Variants in NELL1 observed in about 807,000 individuals in gnomAD.
NELL1 encodes protein kinase C-binding protein NELL1.
In NELL1, 76 loss-of-function variants were observed where a neutral mutation model predicts 107.4. The observed-to-expected ratio is 0.71, with a 90% CI of 0.59 to 0.86. The LOEUF (loss-of-function observed/expected upper bound fraction) is 0.86, where lower values mean the gene tolerates loss of function less well. Among genes scored for constraint, NELL1 ranks in the 40% least tolerant of loss-of-function variants. NELL1 has a pLI of 0.00. For missense variants in NELL1, 1,024 were observed against 1,005.5 expected, an observed-to-expected ratio of 1.02 and a Z score of -0.25; for synonymous variants, 353 against 341.2, an observed-to-expected ratio of 1.03 and a Z score of -0.38.
At chr11:20,887,841 A>G (rs1290065535) in intron 5 of NELL1, among the ~76,000 whole-genome samples, 1 of 152,214 alleles carries the variant, frequency 6.6e-6, no homozygotes, top group African/African-American at 2.4e-5. Flanking sequence ...ACCTCAAAGG[A>G]TGCCCACAGA....
intron 13 of NELL1, among the ~76,000 whole-genome samples, chr11:21,226,388 T>C (rs1791833): frequency 0.81 from 123,079 of 152,120 alleles, 49,958 homozygotes; most frequent in Admixed American, 0.84. Context: ...AACTGCTCAG[T>C]AGTGACATGT....
At chr11:21,356,952 C>T (rs1410711954) in intron 14 of NELL1, among the ~76,000 whole-genome samples, 1 of 152,202 alleles carries the variant, frequency 6.6e-6, no homozygotes, top group African/African-American at 2.4e-5. Flanking sequence ...TGGTCTCCAA[C>T]TCCATGTAGG....
chr11:21,265,793 T>G (rs1361453159), intron 14 of NELL1, among the ~76,000 whole-genome samples: 1 of 152,068 alleles, frequency 6.6e-6, no homozygotes, highest in Non-Finnish European at 1.5e-5. Flanking sequence ...TAAGGTAGTA[T>G]CTTTCTGAGC....
chr11:20,929,272 A>G (rs572267849), intron 9 of NELL1, among the ~76,000 whole-genome samples: 1 of 152,294 alleles, frequency 6.6e-6, no homozygotes, highest in East Asian at 1.9e-4. Flanking sequence ...TATTTACCAA[A>G]AGAAACACAC....
chr11:21,112,988 G>C (rs752403679), intron 12 of NELL1, among the ~76,000 whole-genome samples: 2 of 151,976 alleles, frequency 1.3e-5, no homozygotes, highest in Non-Finnish European at 2.9e-5. Flanking sequence ...ATCCCAAAAA[G>C]AACAAGACTT....
chr11:21,337,739 T>C (rs867041743), intron 14 of NELL1, among the ~76,000 whole-genome samples: 42 of 61,124 alleles, frequency 6.9e-4, no homozygotes, highest in South Asian at 5.4e-3. Context: ...TTCTTTCCTT[T>C]CTTTCTTTCT....
intron 12 of NELL1, among the ~76,000 whole-genome samples, chr11:21,022,689 G>A (rs576225258): frequency 1.3e-5 from 2 of 152,212 alleles, no homozygotes; most frequent in African/African-American, 4.8e-5. Flanking sequence ...CTAGTTTCAA[G>A]TCTGAGTTCA....
In NELL1 at chr11:20,822,464, G is replaced by A. The variant is rs536667671; in HGVS notation, c.336-25119G>A. On this transcript the variant is annotated intron_variant, in intron 3 of 19. Transcript: ENST00000357134. ...AATGCGACAAACTTTTTTTTTCTTC[G>A]GAGACAGGAAGCCTTTTGTAGAGCA... Among the ~76,000 whole-genome samples, 5 of 151,942 alleles carry A rather than the reference G, an allele frequency of 3.3e-5. No individual in the cohort carries two copies. In the East Asian group the frequency reaches 5.8e-4, roughly 18 times the overall value.
rs1259330172 is a variant in NELL1 at position 21,560,327 on chromosome 11, A to T, written c.1925A>T (p.His642Leu). 1 of 1,612,416 alleles carries T rather than the reference A, an allele frequency of 6.2e-7. No homozygotes were observed. Among genetic ancestry groups the T allele is most frequent in the East Asian group, 2.2e-5 (1 of 44,708 alleles). The change falls in exon 17 of 20, where the codon CAC becomes CTC. Residue 642 changes from histidine (H) to leucine (L), a missense_variant. Physicochemically the swap from His to Leu is moderately conservative, Grantham distance 99. Coordinates refer to ENST00000357134, the MANE Select transcript of NELL1 (RefSeq NM_006157.5). ...GDCPHEGGLK[H>L]NGQVWTLKED... ...TGTCCTCATGAAGGGGGGCTGAAGC[A>T]CAATGGCCAGGTGTGGACCTTGAAA...
intron 15 of NELL1, 27 bp from the exon 16 acceptor site, chr11:21,534,347 G>T: frequency 6.2e-7 from 1 of 1,613,348 alleles, no homozygotes; most frequent in East Asian, 2.2e-5. Flanking sequence ...TAATATCCTG[G>T]TGGGCTTGTG....
chr11:20,823,354 A>G (rs1857802760), intron 3 of NELL1, among the ~76,000 whole-genome samples: 1 of 151,176 alleles, frequency 6.6e-6, no homozygotes, highest in Admixed American at 6.7e-5. Context: ...TGATTCAATG[A>G]TCTCCCACTG....
At chr11:21,131,448 G>C (rs1375364723) in intron 13 of NELL1, among the ~76,000 whole-genome samples, 1 of 152,078 alleles carries the variant, frequency 6.6e-6, no homozygotes, top group Non-Finnish European at 1.5e-5. Flanking sequence ...ATAGCCTCAG[G>C]CAAGTCATTT....
intron 15 of NELL1, among the ~76,000 whole-genome samples, chr11:21,411,109 A>C (rs192606240): frequency 1.3e-5 from 2 of 151,962 alleles, no homozygotes; most frequent in Non-Finnish European, 2.9e-5. Context: ...AGCACTTTTG[A>C]CTCCTCATTT....
At chr11:21,463,949 G>T (rs557553580) in intron 15 of NELL1, among the ~76,000 whole-genome samples, 3 of 152,014 alleles carry the variant, frequency 2.0e-5, no homozygotes, top group African/African-American at 4.8e-5. Flanking sequence ...TGATTTAAGC[G>T]CTGGGCTCAG....
At chr11:21,308,009 ATTAC>A (rs1340958516) in intron 14 of NELL1, among the ~76,000 whole-genome samples, 1 of 152,018 alleles carries the variant, frequency 6.6e-6, no homozygotes, top group Non-Finnish European at 1.5e-5. Flanking sequence ...GCTAAGTATG[ATTAC>A]TTACATACAG....
At chr11:21,543,210 T>A (rs1342551890) in intron 16 of NELL1, among the ~76,000 whole-genome samples, 13 of 152,074 alleles carry the variant, frequency 8.5e-5, no homozygotes, top group South Asian at 2.1e-4. Context: ...TGATAATATT[T>A]AGTGTGGTCT....
At chr11:20,751,664 A>C (rs1856142948) in intron 2 of NELL1, among the ~76,000 whole-genome samples, 1 of 137,498 alleles carries the variant, frequency 7.3e-6, no homozygotes, top group Admixed American at 7.2e-5. Context: ...AAAAAAAAAA[A>C]CTCTTTTTAG....
rs1260036961 is a variant in NELL1 at position 21,074,653 on chromosome 11, G to A, written c.1301-38936G>A. Among the ~76,000 whole-genome samples, 26 of 131,726 alleles carry A rather than the reference G, an allele frequency of 2.0e-4. No homozygotes were observed. In the Admixed American group the frequency reaches 2.1e-3, roughly 11 times the overall value. 86.4% of individuals were successfully genotyped at this position (131,726 alleles called of 152,430 possible). On this transcript the variant is annotated intron_variant, in intron 12 of 19. Transcript: ENST00000357134. The stretch of plus-strand genomic sequence containing the variant: ...TCCTCCAGAGATACTGATTTAATTA[G>A]CCTTGGGTGGAATTTACACATGTGT...
intron 16 of NELL1, among the ~76,000 whole-genome samples, chr11:21,549,762 C>G (rs187280358): frequency 6.6e-6 from 1 of 151,724 alleles, no homozygotes; most frequent in Admixed American, 6.6e-5. Context: ...ATTTTAAAAA[C>G]GTAATATGAA....
Sources: allele counts gnomAD v4.1 joint callset (sites outside exome capture counted in the v4.1 genomes callset), GRCh38; gene constraint gnomAD v4.1.1; transcripts MANE v1.5; gene names NCBI Gene and HGNC (gene_info 2026-07-23, HGNC 2026-07-21).